RIOK3: variants seen among roughly 807,000 people sequenced by gnomAD.
The protein encoded by RIOK3 is serine/threonine-protein kinase RIO3.
Under a neutral mutation model 63.5 loss-of-function variants are expected in RIOK3, and 40 were observed. The ratio of observed to expected loss-of-function variants is 0.63; its 90% CI spans 0.49 to 0.82. The LOEUF (loss-of-function observed/expected upper bound fraction) is 0.82. Ranked by LOEUF, RIOK3 falls within the 40% of genes least tolerant of loss-of-function variation. The pLI is 0.00. For missense variants in RIOK3, 557 were observed against 637.0 expected (o/e 0.87, Z 1.35); for synonymous variants, 193 against 205.0 (o/e 0.94, Z 0.50).
chr18:23,474,958 G>C lies in RIOK3; in HGVS notation c.1024G>C (p.Ala342Pro). The change falls in exon 9 of 13, where the codon GCT becomes CCT. Residue 342 changes from alanine (A) to proline (P), a missense_variant. Ala to Pro is a conservative substitution (Grantham distance 27). Coordinates refer to ENST00000339486, the MANE Select transcript of RIOK3 (RefSeq NM_003831.5). ...EMHNLARMQR[A>P]GIPCPTVVLL... is the part of the protein sequence containing the mutation. The stretch of plus-strand genomic sequence containing the variant: ...TTTCTTTATGTATAGAATGCAGAGA[G>C]CTGGAATTCCTTGTCCAACAGTTGT... 1 of 1,608,614 alleles carries C rather than the reference G, an allele frequency of 6.2e-7. No individual in the cohort carries two copies. Among genetic ancestry groups the C allele is most frequent in the Non-Finnish European group, 8.5e-7 (1 of 1,175,566 alleles).
At chr18:23,479,257 T>TA (rs1323866673) in intron 11 of RIOK3, 60 bp from the exon 12 acceptor site, 1 of 1,065,872 alleles carries the variant, frequency 9.4e-7, no homozygotes, top group African/African-American at 1.6e-5. Flanking sequence ...CTCCCTGTTT[T>TA]TAGTTTATAA....
intron 1 of RIOK3, among the ~76,000 whole-genome samples, chr18:23,456,806 A>T (rs1159909996): frequency 1.3e-5 from 2 of 152,148 alleles, no homozygotes; most frequent in Admixed American, 1.3e-4. Context: ...TCTTTTTTTC[A>T]TTCAACCTGT....
chr18:23,457,020 T>C (rs150810417), intron 1 of RIOK3, among the ~76,000 whole-genome samples: 2 of 152,350 alleles, frequency 1.3e-5, no homozygotes, highest in African/African-American at 4.8e-5. Context: ...CCATTGGCCA[T>C]CAGTGATGAT....
At chr18:23,458,147 C>T (rs1463756908) in intron 1 of RIOK3, among the ~76,000 whole-genome samples, 7 of 151,734 alleles carry the variant, frequency 4.6e-5, no homozygotes, top group Non-Finnish European at 8.8e-5. Flanking sequence ...TCAAGCAATC[C>T]GCCTGCCTCA....
At chr18:23,468,049 A>C (rs1234534431) in intron 7 of RIOK3, among the ~76,000 whole-genome samples, 3 of 152,174 alleles carry the variant, frequency 2.0e-5, no homozygotes, top group Non-Finnish European at 2.9e-5. Context: ...AAGTGCTGGG[A>C]TTACAGGCGT....
rs537410904 is a variant in RIOK3 at position 23,457,221 on chromosome 18, G to T, written c.63+3719G>T. Among the ~76,000 whole-genome samples the T allele has an allele frequency of 3.9e-5, 6 of 152,268 alleles. No homozygotes were observed. The East Asian group carries it at 7.7e-4, about 20-fold the overall frequency. ...ATGCTGAACTACTATTATGGACAAA[G>T]AATTTTAGGGGATATTCCAAGAAGA... On this transcript the variant is annotated intron_variant, in intron 1 of 12. Coordinates refer to ENST00000339486, the MANE Select transcript of RIOK3 (RefSeq NM_003831.5).
chr18:23,468,269 T>A (rs1418703356), intron 7 of RIOK3, among the ~76,000 whole-genome samples: 2 of 151,710 alleles, frequency 1.3e-5, no homozygotes, highest in Non-Finnish European at 2.9e-5. Context: ...CCTTTGTCCA[T>A]TTTCTGTTAT....
chr18:23,476,191 T>C (rs989582072), intron 9 of RIOK3, among the ~76,000 whole-genome samples: 1 of 152,144 alleles, frequency 6.6e-6, no homozygotes, highest in African/African-American at 2.4e-5. Context: ...AGGTGTTAAG[T>C]TGGAAGGCAT....
chr18:23,464,628 T>C lies in RIOK3; in HGVS notation c.543T>C (p.Asn181=). The change falls in exon 5 of 13, where the codon AAT becomes AAC. Residue 181 remains asparagine (N), a splice_region_variant and synonymous_variant. Transcript: ENST00000339486. ...GAAAGAACACAGCAAGAATGGAAAA[T>C]GTAAGTTACAGAAAGTATCTATCTC... ...CGRKNTARME[N]FAPEFQVGDG... 6.4e-7 allele frequency: 1 copy of C among 1,552,828 alleles called. No individual in the cohort carries two copies. The highest frequency in any genetic ancestry group is 8.7e-7 in the Non-Finnish European group (1 of 1,143,244).
intron 8 of RIOK3, among the ~76,000 whole-genome samples, chr18:23,474,157 T>C (rs1334818106): frequency 5.3e-5 from 8 of 152,164 alleles, no homozygotes; most frequent in Non-Finnish European, 1.2e-4. Context: ...TTAATTTTAG[T>C]TTGTTATTTT....
At chr18:23,473,948 AT>A (rs1489873349) in intron 8 of RIOK3, among the ~76,000 whole-genome samples, 5 of 152,154 alleles carry the variant, frequency 3.3e-5, no homozygotes, top group African/African-American at 1.2e-4. Flanking sequence ...GTTTCAGAAA[AT>A]GTTTGTTGCA....
chr18:23,481,330 A>G lies in RIOK3; in HGVS notation c.*51A>G, dbSNP rs185583179. 1 of 1,151,374 alleles carries G rather than the reference A, an allele frequency of 8.7e-7. No individual in the cohort carries two copies. Among genetic ancestry groups the G allele is most frequent in the Non-Finnish European group, 1.2e-6 (1 of 805,752 alleles). 71.3% of individuals were successfully genotyped at this position (1,151,374 alleles called of 1,614,324 possible). On this transcript the variant is annotated 3_prime_UTR_variant, in exon 13 of 13. Transcript: ENST00000339486. ...AACACAGCAGTGATTGTCAGCTGCC[A>G]ATAGCAAATGAAGTTATGGGTGACT... is the stretch of plus-strand genomic sequence containing the variant.
intron 7 of RIOK3, among the ~76,000 whole-genome samples, chr18:23,468,930 G>A (rs183238212): frequency 4.6e-5 from 7 of 152,272 alleles, no homozygotes; most frequent in African/African-American, 1.4e-4. Flanking sequence ...GGAGCTTGGC[G>A]TCCTCTTCCC....
In RIOK3 at chr18:23,481,571, T is replaced by G. The variant is rs2057535046; in HGVS notation, c.*292T>G. ...ATGTGACTTGTGGTGTAAAATGTCT[T>G]GATGATAATTTTTAAAACTTGGGTA... On this transcript the variant is annotated 3_prime_UTR_variant, in exon 13 of 13. Coordinates refer to ENST00000339486, the MANE Select transcript of RIOK3 (RefSeq NM_003831.5). 1 of 256,580 alleles carries G rather than the reference T, an allele frequency of 3.9e-6. No homozygotes were observed. Among genetic ancestry groups the G allele is most frequent in the Non-Finnish European group, 7.3e-6 (1 of 136,132 alleles). The allele number at this position is 256,580 out of a possible 1,614,324, so 15.9% of individuals were successfully genotyped here.
intron 5 of RIOK3, 29 bp downstream of exon 5, chr18:23,464,657 A>G (rs1352291477): frequency 7.4e-7 from 1 of 1,358,950 alleles, no homozygotes; most frequent in East Asian, 2.4e-5. Flanking sequence ...CTATCTCTGA[A>G]TTTAGAGTTT....
At position 23,481,087 on chromosome 18, in the gene RIOK3, G is replaced by GA. The variant is rs1337593593; in HGVS notation, c.1453-78dup. On this transcript the variant is annotated intron_variant, in intron 12 of 12. Coordinates refer to ENST00000339486, the MANE Select transcript of RIOK3 (RefSeq NM_003831.5). ...AGAGTGAGACTCCATCTCAAAAAAA[G>GA]AAAAAAATTACTAGCACAATCTAAA... 5 of 1,069,476 alleles carry GA rather than the reference G, an allele frequency of 4.7e-6. No individual in the cohort carries two copies. In the African/African-American group the frequency reaches 4.8e-5, roughly 10 times the overall value. 66.2% of individuals were successfully genotyped at this position (1,069,476 alleles called of 1,614,324 possible). A position where few individuals can be genotyped will look rare whatever the true frequency, so the allele number is the denominator to read the frequency against.
At chr18:23,457,575 A>G (rs1448768354) in intron 1 of RIOK3, among the ~76,000 whole-genome samples, 3 of 152,224 alleles carry the variant, frequency 2.0e-5, no homozygotes, top group Non-Finnish European at 2.9e-5. Flanking sequence ...AATGCAAGGT[A>G]TTAATAGGAT....
At chr18:23,476,940 G>C in intron 9 of RIOK3, 66 bp from the exon 10 acceptor site, 4 of 1,351,778 alleles carry the variant, frequency 3.0e-6, no homozygotes, top group Non-Finnish European at 4.2e-6. Context: ...AAAACTTTCA[G>C]GGGTGTCATC....
chr18:23,477,765 T>TAAAAA (rs2057502428), intron 11 of RIOK3, among the ~76,000 whole-genome samples: 1 of 105,108 alleles, frequency 9.5e-6, no homozygotes, highest in African/African-American at 4.0e-5. Context: ...AGGCTCCGTC[T>TAAAAA]CAAAAAAAAA....
Sources: allele counts gnomAD v4.1 joint callset (sites outside exome capture counted in the v4.1 genomes callset), GRCh38; gene constraint gnomAD v4.1.1; transcripts MANE v1.5; gene names NCBI Gene and HGNC (gene_info 2026-07-23, HGNC 2026-07-21).